The following FBXL20 variants were observed in gnomAD, a reference collection of about 807,000 sequenced individuals.
The protein encoded by FBXL20 is F-box/LRR-repeat protein 20.
FBXL20 carries 11 observed loss-of-function variants against 64.0 expected under a neutral mutation model. The observed-to-expected ratio is 0.17, with a 90% CI of 0.11 to 0.28. The LOEUF (loss-of-function observed/expected upper bound fraction) is 0.28, where lower values mean the gene tolerates loss of function less well. FBXL20 is among the 10% of genes least tolerant of loss of function. The probability of loss-of-function intolerance (pLI) is 1.00; values close to 1 mark genes in which losing one functional copy is unlikely to be tolerated. For synonymous variants in FBXL20, 184 were observed against 189.0 expected (o/e 0.97, Z 0.22); for missense variants, 303 against 526.2 (o/e 0.58, Z 4.15).
At chr17:39,283,310 T>G (rs1255790653) in intron 7 of FBXL20, among the ~76,000 whole-genome samples, 1 of 152,220 alleles carries the variant, frequency 6.6e-6, no homozygotes, top group Non-Finnish European at 1.5e-5. Context: ...TTTGCAATAT[T>G]TGCATTATAC....
intron 14 of FBXL20, 112 bp downstream of exon 14, chr17:39,264,063 A>C: frequency 8.6e-7 from 1 of 1,162,452 alleles, no homozygotes; most frequent in Non-Finnish European, 1.2e-6. Flanking sequence ...CCCTTGTTAA[A>C]TGTTCAAGTA....
intron 1 of FBXL20, among the ~76,000 whole-genome samples, chr17:39,368,845 C>T (rs984463215): frequency 2.0e-5 from 3 of 151,970 alleles, no homozygotes; most frequent in South Asian, 2.1e-4. Context: ...TTAGTAAAGA[C>T]GGGGTTTCAC....
intron 1 of FBXL20, among the ~76,000 whole-genome samples, chr17:39,393,245 C>T (rs796190434): frequency 3.8e-4 from 58 of 151,838 alleles, no homozygotes; most frequent in East Asian, 1.2e-3. Context: ...GCTCAGATCG[C>T]GCCATTGCAC....
rs186634876 is a variant in FBXL20, at chr17:39,265,416, C to G, written c.971G>C (p.Cys324Ser). 28 of 1,611,430 alleles carry G rather than the reference C, an allele frequency of 1.7e-5. No individual in the cohort carries two copies. Among genetic ancestry groups the G allele is most frequent in the East Asian group, 1.6e-4 (7 of 44,808 alleles). Reference protein sequence around the residue: ...DSTLIQLSIHCPRLQVLSLSH... With the variant: ...DSTLIQLSIHSPRLQVLSLSH... Reference sequence around the variant, plus strand: ...ACTCACCAATACTTGAAGTCGAGGACAGTGTATAGAAAGTTGGATTAATGT... The same window carrying G: ...ACTCACCAATACTTGAAGTCGAGGAGAGTGTATAGAAAGTTGGATTAATGT... The change falls in exon 13 of 15, where the codon TGT becomes TCT. Residue 324 changes from cysteine to serine, a missense_variant. By Grantham distance (112) the Cys-to-Ser change is moderately radical (BLOSUM62 -1). Around this residue, in one of 3 missense-constraint regions of FBXL20, gnomAD observed 246 missense variants for 422.6 expected, o/e 0.58. Coordinates refer to ENST00000264658, the MANE Select transcript of FBXL20 (RefSeq NM_032875.3).
At chr17:39,401,816 A>C, upstream of FBXL20, 1 of 693,170 alleles carries the variant, frequency 1.4e-6, no homozygotes, top group Non-Finnish European at 1.8e-6. Context: ...TCCCGGGAGC[A>C]GCCGGTGCGC....
At chr17:39,393,660 TTAA>T (rs763486944) in intron 1 of FBXL20, among the ~76,000 whole-genome samples, 4 of 152,202 alleles carry the variant, frequency 2.6e-5, no homozygotes, top group Admixed American at 6.5e-5. Flanking sequence ...AAGAGGCTTA[TTAA>T]AAGAGTATCA....
chr17:39,264,421 A>G (rs1231056332), intron 13 of FBXL20, 34 bp from the exon 14 acceptor site: 6 of 1,602,514 alleles, frequency 3.7e-6, no homozygotes, highest in South Asian at 1.1e-5. Flanking sequence ...GGATGTTGAA[A>G]TATCTTCTGG....
intron 1 of FBXL20, among the ~76,000 whole-genome samples, chr17:39,395,811 G>A (rs1235456346): frequency 6.6e-6 from 1 of 152,170 alleles, no homozygotes; most frequent in African/African-American, 2.4e-5. Context: ...GTGAAAAGCA[G>A]GAGTATGAGT....
intron 1 of FBXL20, among the ~76,000 whole-genome samples, chr17:39,393,226 T>C (rs1000543395): frequency 1.3e-5 from 2 of 151,846 alleles, no homozygotes; most frequent in African/African-American, 2.4e-5. Flanking sequence ...GAGGCAGAGG[T>C]TGCAGTGAGC....
chr17:39,341,811 T>C (rs373892802), intron 2 of FBXL20, among the ~76,000 whole-genome samples: 10 of 152,298 alleles, frequency 6.6e-5, no homozygotes, highest in Admixed American at 2.6e-4. Flanking sequence ...CCAAGTCTGG[T>C]TGATTTAGAA....
intron 12 of FBXL20, among the ~76,000 whole-genome samples, chr17:39,266,616 G>C (rs1322176765): frequency 1.3e-5 from 2 of 152,102 alleles, no homozygotes; most frequent in Non-Finnish European, 2.9e-5. Context: ...TAAAGTGCTG[G>C]GATTACAGGA....
intron 7 of FBXL20, among the ~76,000 whole-genome samples, chr17:39,283,720 G>A (rs1199626653): frequency 6.6e-6 from 1 of 152,124 alleles, no homozygotes; most frequent in African/African-American, 2.4e-5. Flanking sequence ...TTTGTAGGCT[G>A]AATTTAGGAT....
Position 39,267,618 on chromosome 17 carries a change from G to C in FBXL20, c.933+1209C>G, listed in dbSNP as rs72823389. Among the ~76,000 whole-genome samples, 952 of 152,296 alleles carry C rather than the reference G, an allele frequency of 6.3e-3. 5 individuals are homozygous for C. Among genetic ancestry groups the C allele is most frequent in the Non-Finnish European group, 9.9e-3 (670 of 68,016 alleles). On this transcript the variant is annotated intron_variant, in intron 12 of 14. Coordinates refer to ENST00000264658, the MANE Select transcript of FBXL20 (RefSeq NM_032875.3). ...GGCAGCCAGGCACTGCTGGAATCTG[G>C]GTTAACCAAGAATATTCAGGTAGGA...
intron 12 of FBXL20, 101 bp from the exon 13 acceptor site, chr17:39,265,554 A>T: frequency 1.2e-6 from 1 of 849,446 alleles, no homozygotes; most frequent in African/African-American, 1.7e-5. Context: ...TGCCCAGGCT[A>T]GAGTGTAGTG....
chr17:39,362,983 T>C (rs2047813414), intron 1 of FBXL20, among the ~76,000 whole-genome samples: 1 of 151,730 alleles, frequency 6.6e-6, no homozygotes, highest in Non-Finnish European at 1.5e-5. Flanking sequence ...TTACATCCCT[T>C]TCCTACATTT....
intron 1 of FBXL20, among the ~76,000 whole-genome samples, chr17:39,363,961 C>T (rs2144621403): frequency 7.1e-6 from 1 of 141,446 alleles, no homozygotes; most frequent in Non-Finnish European, 1.5e-5. Flanking sequence ...GCGATCTCAG[C>T]TCGCTGCAAC....
intron 2 of FBXL20, among the ~76,000 whole-genome samples, chr17:39,338,204 T>G (rs2047547773): frequency 6.6e-6 from 1 of 152,256 alleles, no homozygotes; most frequent in Non-Finnish European, 1.5e-5. Flanking sequence ...GAAAAGTTCT[T>G]CTGCCTTGGG....
At chr17:39,266,758 G>A (rs1013010681) in intron 12 of FBXL20, among the ~76,000 whole-genome samples, 1 of 152,182 alleles carries the variant, frequency 6.6e-6, no homozygotes, top group Non-Finnish European at 1.5e-5. Context: ...TGTTCTATGA[G>A]AATCCACTCA....
chr17:39,293,290 C>T (rs545576419), intron 6 of FBXL20, among the ~76,000 whole-genome samples: 2 of 151,630 alleles, frequency 1.3e-5, no homozygotes, highest in African/African-American at 2.4e-5. Flanking sequence ...GGCATGATCT[C>T]GGCTCACTGC....
Sources: allele counts gnomAD v4.1 joint callset (sites outside exome capture counted in the v4.1 genomes callset), GRCh38; gene constraint gnomAD v4.1.1; regional missense constraint gnomAD v4.1.1; transcripts MANE v1.5; gene names NCBI Gene and HGNC (gene_info 2026-07-23, HGNC 2026-07-21).